Variants in MASTL observed in about 807,000 individuals in gnomAD.
MASTL encodes the protein microtubule associated serine/threonine kinase like, also known as serine/threonine-protein kinase greatwall.
A neutral mutation model predicts 82.5 loss-of-function variants in MASTL; 54 were observed. The ratio of observed to expected loss-of-function variants is 0.65; its 90% CI spans 0.53 to 0.82. MASTL has a LOEUF of 0.82. Among genes scored for constraint, MASTL ranks in the 40% least tolerant of loss-of-function variants. The probability of loss-of-function intolerance (pLI) is 0.00; values close to 1 mark genes in which losing one functional copy is unlikely to be tolerated. For missense variants in MASTL, 950 were observed against 1,047.8 expected (o/e 0.91, Z 1.29); for synonymous variants, 323 against 368.9 (o/e 0.88, Z 1.43).
intron 7 of MASTL, 45 bp from the exon 8 acceptor site, chr10:27,169,899 A>G (rs925563819): frequency 5.2e-5 from 83 of 1,596,516 alleles, no homozygotes; most frequent in Non-Finnish European, 7.0e-5. Context: ...AGGTCAATGA[A>G]TCTCAGCTTT....
rs902207437 is a variant in MASTL, at chr10:27,186,567, T to TTATAGCAA, written c.*31_*32insTATAGCAA. ...AAATTTTCCTTTTAGTCTAGCCTTGTGTTATAGAATGAACTTGCATAATTA... is the reference window on the plus strand; with the variant it reads ...AAATTTTCCTTTTAGTCTAGCCTTGTTATAGCAAGTTATAGAATGAACTTGCATAATTA... On this transcript the variant is annotated 3_prime_UTR_variant, in exon 12 of 12. Coordinates refer to ENST00000375940, the MANE Select transcript of MASTL (RefSeq NM_001172303.3). 1 of 1,562,644 alleles carries TTATAGCAA rather than the reference T, an allele frequency of 6.4e-7. No homozygotes were observed. Among genetic ancestry groups the TTATAGCAA allele is most frequent in the Non-Finnish European group, 8.8e-7 (1 of 1,132,510 alleles).
In MASTL at chr10:27,167,093, T is replaced by C. The variant is rs2057765720; in HGVS notation, c.812-9T>C. 3 of 1,609,874 alleles carry C rather than the reference T, an allele frequency of 1.9e-6. No homozygotes were observed. The highest frequency in any genetic ancestry group is 2.2e-5 in the South Asian group (2 of 90,990). On this transcript the variant is annotated splice_polypyrimidine_tract_variant and intron_variant, in intron 6 of 11. Coordinates refer to ENST00000375940, the MANE Select transcript of MASTL (RefSeq NM_001172303.3). ...TAACATGGAATTCAATATTGTCTCT[T>C]CTCTATAGGTCTTGAAACAGTTGCC... is the stretch of plus-strand genomic sequence containing the variant.
chr10:27,182,105 G>T (rs1051923051), intron 11 of MASTL, among the ~76,000 whole-genome samples: 2 of 150,628 alleles, frequency 1.3e-5, no homozygotes, highest in African/African-American at 4.9e-5. Context: ...CAAAAATTAG[G>T]CCCAGCGTGG....
intron 6 of MASTL, 76 bp from the exon 7 acceptor site, chr10:27,167,026 T>C: frequency 8.8e-7 from 1 of 1,136,966 alleles, no homozygotes. Context: ...TTTGCTTAAT[T>C]ATATGTAAAG....
chr10:27,160,739 G>A (rs1362243450), intron 3 of MASTL, among the ~76,000 whole-genome samples: 1 of 146,944 alleles, frequency 6.8e-6, no homozygotes, highest in Non-Finnish European at 1.5e-5. Context: ...TGACAAGAGT[G>A]AAACTCCATC....
chr10:27,178,871 T>G (rs184603266), intron 9 of MASTL, among the ~76,000 whole-genome samples: 1,756 of 152,308 alleles, frequency 0.012, 11 homozygotes, highest in Admixed American at 0.023. Flanking sequence ...GGTTTGTATG[T>G]TTTTATAGTA....
intron 3 of MASTL, among the ~76,000 whole-genome samples, chr10:27,160,879 ATTAAT>A (rs2057549315): frequency 6.6e-6 from 1 of 152,220 alleles, no homozygotes. Context: ...ATAATCTAGT[ATTAAT>A]TTATCTTTTT....
rs1188660702 is a variant in MASTL at position 27,170,245 on chromosome 10, A to G, written c.1286A>G (p.Asp429Gly). 6.8e-6 allele frequency: 11 copies of G among 1,614,150 alleles called. No homozygotes were observed. Among genetic ancestry groups the G allele is most frequent in the Non-Finnish European group, 9.3e-6 (11 of 1,180,040 alleles). ...GFHQSNQWAVDSGGISEEHLG... is the reference protein window; with the variant it reads ...GFHQSNQWAVGSGGISEEHLG... Reference sequence around the variant, plus strand: ...CATCAGTCAAATCAGTGGGCTGTGGATTCTGGTGGGATATCTGAAGAGCAC... The same window carrying G: ...CATCAGTCAAATCAGTGGGCTGTGGGTTCTGGTGGGATATCTGAAGAGCAC... The change falls in exon 8 of 12, where the codon GAT becomes GGT. Residue 429 changes from aspartate (D) to glycine (G), a missense_variant. Transcript: ENST00000375940.
chr10:27,180,078 G>T (rs1278595453), intron 9 of MASTL, among the ~76,000 whole-genome samples: 1 of 152,334 alleles, frequency 6.6e-6, no homozygotes, highest in Non-Finnish European at 1.5e-5. Flanking sequence ...AACAATGTGG[G>T]TTTTTGCACT....
Position 27,161,150 on chromosome 10 carries a change from AT to A in MASTL, c.525del (p.Phe175LeufsTer8). ...ISNEGHIKLT[D>X]FGLSKVTLNR... is the part of the protein sequence containing the mutation. Reference sequence around the variant, plus strand: ...AATGAGGGTCATATTAAACTGACGGATTTTGGCCTTTCAAAAGTTACTTTGA... The same window carrying A: ...AATGAGGGTCATATTAAACTGACGGATTTGGCCTTTCAAAAGTTACTTTGA... On this transcript the variant is annotated frameshift_variant, in exon 4 of 12. Coordinates refer to ENST00000375940, the MANE Select transcript of MASTL (RefSeq NM_001172303.3). LOFTEE classifies it high-confidence loss of function. 3 of 1,612,312 alleles carry A rather than the reference AT, an allele frequency of 1.9e-6. No individual in the cohort carries two copies. The highest frequency in any genetic ancestry group is 2.5e-6 in the Non-Finnish European group (3 of 1,178,416).
chr10:27,181,551 A>G lies in MASTL; in HGVS notation c.2452A>G (p.Ile818Val). Residue 818 changes from isoleucine (I) to valine (V), a missense_variant, in exon 11 of 12, where the codon ATT becomes GTT. Transcript: ENST00000375940. The part of the protein sequence containing the change: ...AQSAVEILLT[I>V]DDTKRAGMKE... ...AAGTGCAGTAGAAATACTTTTAACC[A>G]TTGATGATACAAAGAGAGCTGGAAT... 6.2e-7 allele frequency: 1 copy of G among 1,612,286 alleles called. No individual in the cohort carries two copies. The highest frequency in any genetic ancestry group is 8.5e-7 in the Non-Finnish European group (1 of 1,178,544).
chr10:27,170,780 A>G lies in MASTL; in HGVS notation c.1821A>G (p.Pro607=). 1 of 1,614,176 alleles carries G rather than the reference A, an allele frequency of 6.2e-7. No individual in the cohort carries two copies. Among genetic ancestry groups the G allele is most frequent in the Non-Finnish European group, 8.5e-7 (1 of 1,180,012 alleles). The change falls in exon 8 of 12, where the codon CCA becomes CCG. Residue 607 remains proline (P), a synonymous_variant. Transcript: ENST00000375940. ...TTGAAGAATCAAATATTGAAGATCCACTTATTGTAACACCAGATTGCCAAG... is the reference window on the plus strand; with the variant it reads ...TTGAAGAATCAAATATTGAAGATCCGCTTATTGTAACACCAGATTGCCAAG... ...SSFEESNIED[P]LIVTPDCQEK...
intron 11 of MASTL, 69 bp from the exon 12 acceptor site, chr10:27,186,310 A>AAG (rs2058744563): frequency 3.5e-6 from 5 of 1,421,626 alleles, no homozygotes; most frequent in Non-Finnish European, 5.0e-6. Flanking sequence ...TCTTTTTATA[A>AAG]TAATTCCTGT....
Position 27,186,872 on chromosome 10 carries a change from T to G in MASTL, c.*336T>G, listed in dbSNP as rs1324681834. 6.2e-6 allele frequency: 2 copies of G among 325,124 alleles called. No homozygotes were observed. Among genetic ancestry groups the G allele is most frequent in the Middle Eastern group, 1.0e-3 (1 of 990 alleles). The allele number at this position is 325,124 out of a possible 1,614,324, so 20.1% of individuals were successfully genotyped here. On this transcript the variant is annotated 3_prime_UTR_variant, in exon 12 of 12. Transcript: ENST00000375940. The stretch of plus-strand genomic sequence containing the variant: ...GATTTTCTTTCTCCTCTGATTTCAG[T>G]TCACTGTTCAGTTTAGCATTAAAAT...
Position 27,170,068 on chromosome 10 carries a change from C to G in MASTL, c.1109C>G (p.Ser370Cys). The G allele has an allele frequency of 6.2e-7, 1 of 1,614,184 alleles. No individual in the cohort carries two copies. The highest frequency in any genetic ancestry group is 8.5e-7 in the Non-Finnish European group (1 of 1,180,026). Residue 370 changes from serine (S) to cysteine (C), a missense_variant, in exon 8 of 12, where the codon TCT becomes TGT. Coordinates refer to ENST00000375940, the MANE Select transcript of MASTL (RefSeq NM_001172303.3). Reference protein sequence around the residue: ...FNKKDLELALSPIHNSSALPT... With the variant: ...FNKKDLELALCPIHNSSALPT... ...AAAAAGGATCTGGAGTTAGCTCTTTCTCCCATTCATAACAGCAGTGCCCTT... is the reference window on the plus strand; with the variant it reads ...AAAAAGGATCTGGAGTTAGCTCTTTGTCCCATTCATAACAGCAGTGCCCTT...
intron 7 of MASTL, among the ~76,000 whole-genome samples, chr10:27,168,272 A>G (rs1459971596): frequency 1.3e-5 from 2 of 152,224 alleles, no homozygotes; most frequent in African/African-American, 2.4e-5. Context: ...CAAGATAAAC[A>G]GATTTCCATT....
rs1428530945 is a variant in MASTL, at chr10:27,181,028, A to G, written c.2342A>G (p.Glu781Gly). 22 of 1,611,468 alleles carry G rather than the reference A, an allele frequency of 1.4e-5. No individual in the cohort carries two copies. Among genetic ancestry groups the G allele is most frequent in the Middle Eastern group, 3.3e-4 (2 of 6,076 alleles). Residue 781 changes from glutamate (E) to glycine (G), a missense_variant, in exon 10 of 12, where the codon GAA becomes GGA. Physicochemically the swap from Glu to Gly is moderately conservative, Grantham distance 98 (BLOSUM62 -2). Transcript: ENST00000375940. Reference protein sequence around the residue: ...FLTGIPPFNDETPQQVFQNIL... With the variant: ...FLTGIPPFNDGTPQQVFQNIL... The stretch of plus-strand genomic sequence containing the variant: ...ACAGGAATTCCCCCTTTCAATGATG[A>G]AACACCACAACAAGTATTCCAGAAT...
In MASTL at chr10:27,155,536, T is replaced by C. The variant is rs2057331026; in HGVS notation, c.110T>C (p.Ile37Thr). 1 of 1,614,098 alleles carries C rather than the reference T, an allele frequency of 6.2e-7. No individual in the cohort carries two copies. The highest frequency in any genetic ancestry group is 8.5e-7 in the Non-Finnish European group (1 of 1,180,004). The change falls in exon 1 of 12, where the codon ATA becomes ACA. Residue 37 changes from isoleucine to threonine, a missense_variant. Coordinates refer to ENST00000375940, the MANE Select transcript of MASTL (RefSeq NM_001172303.3). Reference protein sequence around the residue: ...PKPPSIEEFSIVKPISRGAFG... With the variant: ...PKPPSIEEFSTVKPISRGAFG... ...CCGCCCTCCATTGAGGAATTCAGCA[T>C]AGTGAAGCCCATTAGCCGGGGCGCC... is the stretch of plus-strand genomic sequence containing the variant.
At chr10:27,179,429 C>T (rs763122010) in intron 9 of MASTL, among the ~76,000 whole-genome samples, 7 of 152,008 alleles carry the variant, frequency 4.6e-5, no homozygotes, top group African/African-American at 7.2e-5. Flanking sequence ...TGGTGGCAGG[C>T]GCCTGTAGTC....
Sources: allele counts gnomAD v4.1 joint callset (sites outside exome capture counted in the v4.1 genomes callset), GRCh38; gene constraint gnomAD v4.1.1; transcripts MANE v1.5; gene names NCBI Gene and HGNC (gene_info 2026-07-23, HGNC 2026-07-21).